Variants in BTAF1 observed in about 807,000 individuals in gnomAD.
BTAF1 encodes the protein TATA-binding protein-associated factor 172.
A neutral mutation model predicts 227.1 loss-of-function variants in BTAF1; 38 were observed. That is an observed-to-expected ratio of 0.17 (90% CI 0.13 to 0.22). BTAF1 has a LOEUF of 0.22. BTAF1 is among the 10% of genes least tolerant of loss of function. The pLI is 1.00. For synonymous variants in BTAF1, 742 were observed against 751.9 expected, an observed-to-expected ratio of 0.99 and a Z score of 0.21; for missense variants, 1,598 against 2,204.0, an observed-to-expected ratio of 0.73 and a Z score of 5.51.
chr10:91,945,783 T>C (rs1845323081), intron 4 of BTAF1, among the ~76,000 whole-genome samples: 1 of 152,248 alleles, frequency 6.6e-6, no homozygotes, highest in Non-Finnish European at 1.5e-5. Context: ...TGCTTTCAGT[T>C]CTTTGGGGTA....
At chr10:91,968,464 C>G (rs1847077056) in intron 14 of BTAF1, among the ~76,000 whole-genome samples, 1 of 152,192 alleles carries the variant, frequency 6.6e-6, no homozygotes, top group African/African-American at 2.4e-5. Flanking sequence ...TTAATTGCTT[C>G]CAGTTTTTGG....
intron 1 of BTAF1, 41 bp from the exon 2 acceptor site, chr10:91,935,616 A>G (rs1279136528): frequency 6.2e-7 from 1 of 1,603,400 alleles, no homozygotes; most frequent in South Asian, 1.1e-5. Flanking sequence ...ACATACGAGG[A>G]AAAGCATTTG....
At chr10:92,024,989 T>G (rs766817520) in intron 35 of BTAF1, 22 bp downstream of exon 35, 1 of 1,580,806 alleles carries the variant, frequency 6.3e-7, no homozygotes, top group Non-Finnish European at 8.7e-7. Flanking sequence ...CTAAGACTCT[T>G]ATTCATAAAT....
At chr10:91,924,385 T>A (rs1422718708) in intron 1 of BTAF1, among the ~76,000 whole-genome samples, 6 of 152,180 alleles carry the variant, frequency 3.9e-5, no homozygotes, top group Non-Finnish European at 8.8e-5. Flanking sequence ...CTCTTTCGAT[T>A]CTAGGGGAGT....
At chr10:91,925,370 A>G (rs1338716218) in intron 1 of BTAF1, among the ~76,000 whole-genome samples, 1 of 152,208 alleles carries the variant, frequency 6.6e-6, no homozygotes, top group Non-Finnish European at 1.5e-5. Flanking sequence ...TAAACTTAAT[A>G]TAACATTTAT....
At chr10:91,942,396 A>G in intron 3 of BTAF1, 26 bp from the exon 4 acceptor site, 1 of 1,601,160 alleles carries the variant, frequency 6.2e-7, no homozygotes. Flanking sequence ...TATATGGTCA[A>G]ATTAATATTT....
chr10:92,013,544 T>G lies in BTAF1; in HGVS notation c.4312-123T>G, dbSNP rs925222469. 9 of 1,270,326 alleles carry G rather than the reference T, an allele frequency of 7.1e-6. No homozygotes were observed. In the Admixed American group the frequency reaches 1.0e-4, roughly 14 times the overall value. The allele number at this position is 1,270,326 out of a possible 1,614,324, so 78.7% of individuals were successfully genotyped here. ...CTAAAATAAAGACTTACACCATATGTCTAAAAATATAGTGATAATCTCTCA... is the reference window on the plus strand; with the variant it reads ...CTAAAATAAAGACTTACACCATATGGCTAAAAATATAGTGATAATCTCTCA... On this transcript the variant is annotated intron_variant, in intron 30 of 37. Coordinates refer to ENST00000265990, the MANE Select transcript of BTAF1 (RefSeq NM_003972.3).
chr10:91,998,115 G>A lies in BTAF1; in HGVS notation c.3660+364G>A, dbSNP rs567038761. Reference sequence around the variant, plus strand: ...CACTGTATGTATCCTGGGCGACAGCGAGACTCCATCTCAAAAAAAAAAAAA... The same window carrying A: ...CACTGTATGTATCCTGGGCGACAGCAAGACTCCATCTCAAAAAAAAAAAAA... On this transcript the variant is annotated intron_variant, in intron 25 of 37. Coordinates refer to ENST00000265990, the MANE Select transcript of BTAF1 (RefSeq NM_003972.3). Among the ~76,000 whole-genome samples the A allele has an allele frequency of 4.6e-4, 58 of 125,096 alleles. 1 individual carries two copies. In the Admixed American group the frequency reaches 4.7e-3, roughly 10 times the overall value. The allele number at this position is 125,096 out of a possible 152,430, so 82.1% of individuals were successfully genotyped here. A position where few individuals can be genotyped will look rare whatever the true frequency, so the allele number is the denominator to read the frequency against.
At chr10:91,980,426 C>T (rs1389787680) in intron 14 of BTAF1, 28 bp from the exon 15 acceptor site, 1 of 1,493,544 alleles carries the variant, frequency 6.7e-7, no homozygotes, top group South Asian at 1.1e-5. Context: ...TTATATGCTA[C>T]AGCTTTTAAT....
chr10:91,932,356 T>A (rs1380572019), intron 1 of BTAF1, among the ~76,000 whole-genome samples: 1 of 152,206 alleles, frequency 6.6e-6, no homozygotes, highest in Non-Finnish European at 1.5e-5. Flanking sequence ...AACTGATTTT[T>A]TATGTAAAAC....
intron 14 of BTAF1, 30 bp from the exon 15 acceptor site, chr10:91,980,424 T>C (rs368817625): frequency 1.3e-6 from 2 of 1,501,148 alleles, no homozygotes; most frequent in African/African-American, 1.4e-5. Context: ...AATTATATGC[T>C]ACAGCTTTTA....
chr10:92,013,149 C>T (rs1850486936), intron 30 of BTAF1, among the ~76,000 whole-genome samples: 1 of 152,080 alleles, frequency 6.6e-6, no homozygotes. Context: ...AGGAAAGCGT[C>T]TGAAATGAAA....
intron 4 of BTAF1, among the ~76,000 whole-genome samples, chr10:91,945,234 A>C (rs1226464872): frequency 6.6e-6 from 1 of 152,102 alleles, no homozygotes; most frequent in African/African-American, 2.4e-5. Context: ...GTATATCAGT[A>C]CTTTTTTTTC....
chr10:91,997,245 A>G (rs1056095273), intron 24 of BTAF1: 36 of 883,772 alleles, frequency 4.1e-5, no homozygotes, highest in Middle Eastern at 2.5e-4. Context: ...AGTGACACTC[A>G]GTTATATTCC....
intron 15 of BTAF1, among the ~76,000 whole-genome samples, chr10:91,981,173 A>G (rs1429213184): frequency 6.6e-6 from 1 of 152,150 alleles, no homozygotes; most frequent in Non-Finnish European, 1.5e-5. Context: ...GCATCAGGAA[A>G]GGTACCTTAT....
chr10:91,986,373 G>A (rs1168313943), intron 19 of BTAF1, among the ~76,000 whole-genome samples: 1 of 152,096 alleles, frequency 6.6e-6, no homozygotes, highest in African/African-American at 2.4e-5. Context: ...CATGAGATTA[G>A]GTGTAGTATA....
At chr10:91,970,548 A>C (rs1373796086) in intron 14 of BTAF1, among the ~76,000 whole-genome samples, 1 of 152,132 alleles carries the variant, frequency 6.6e-6, no homozygotes, top group Non-Finnish European at 1.5e-5. Context: ...ATCTTGTAAG[A>C]ATTATTCGCT....
Position 92,017,500 on chromosome 10 carries a change from C to G in BTAF1, c.4710+1035C>G, listed in dbSNP as rs537059219. On this transcript the variant is annotated intron_variant, in intron 33 of 37. Transcript: ENST00000265990. ...AGAAGGAAAAGATAGTTGTGAAGAT[C>G]TAGTTTTTGTTTTGTTTTGTTTTGT... is the stretch of plus-strand genomic sequence containing the variant. Among the ~76,000 whole-genome samples, 5 of 151,992 alleles carry G rather than the reference C, an allele frequency of 3.3e-5. No individual in the cohort carries two copies. The South Asian group carries it at 1.0e-3, about 32-fold the overall frequency.
intron 14 of BTAF1, among the ~76,000 whole-genome samples, chr10:91,977,874 T>TA (rs767043818): frequency 1.3e-5 from 2 of 152,156 alleles, no homozygotes; most frequent in Non-Finnish European, 2.9e-5. Context: ...TCAGAGCAGT[T>TA]TAGGTTCATA....
Sources: gnomAD v4.1 joint callset for allele counts (sites outside exome capture counted in the v4.1 genomes callset) on GRCh38, gnomAD v4.1.1 for gene constraint, MANE v1.5 for transcripts, NCBI Gene and HGNC (gene_info 2026-07-23, HGNC 2026-07-21) for gene names.